The following MYOF variants were observed in gnomAD, a reference collection of about 807,000 sequenced individuals.
MYOF encodes myoferlin, also known as fer-1-like 3, myoferlin.
MYOF carries 244 observed loss-of-function variants against 284.2 expected under a neutral mutation model. The observed-to-expected ratio is 0.86, with a 90% CI of 0.77 to 0.95. The LOEUF is 0.95. Ranked by LOEUF, MYOF falls within the 40% of genes least tolerant of loss-of-function variation. MYOF has a pLI of 0.00. For missense variants in MYOF, 2,496 were observed against 2,560.6 expected (o/e 0.97, Z 0.54); for synonymous variants, 904 against 919.7 (o/e 0.98, Z 0.31).
intron 45 of MYOF, among the ~76,000 whole-genome samples, chr10:93,327,034 T>C (rs979786169): frequency 6.6e-6 from 1 of 152,008 alleles, no homozygotes; most frequent in African/African-American, 2.4e-5. Context: ...AGTCAAACAC[T>C]GGAGTATGGA....
At chr10:93,399,033 G>T (rs1847152438) in intron 13 of MYOF, among the ~76,000 whole-genome samples, 2 of 152,108 alleles carry the variant, frequency 1.3e-5, no homozygotes, top group Admixed American at 1.3e-4. Flanking sequence ...GGGCACTGGG[G>T]GGGGGTCTCT....
In MYOF at chr10:93,443,450, TTC is replaced by T. The variant is rs146232847; in HGVS notation, c.236+8598_236+8599del. On this transcript the variant is annotated intron_variant, in intron 3 of 53. Transcript: ENST00000359263. ...TCTCCTCTCTCTTCTCTCCTCTTTC[TTC>T]TCTCTCTCTCTCTCTCTCTCTGTGT... Among the ~76,000 whole-genome samples, 423 of 143,576 alleles carry T rather than the reference TTC, an allele frequency of 2.9e-3. 2 individuals are homozygous for T. The highest frequency in any genetic ancestry group is 0.013 in the East Asian group (63 of 4,702). 94.2% of individuals were successfully genotyped at this position (143,576 alleles called of 152,430 possible).
In MYOF at chr10:93,306,924, C is replaced by G; in HGVS notation, c.*39G>C. 1 of 1,600,438 alleles carries G rather than the reference C, an allele frequency of 6.2e-7. No homozygotes were observed. On this transcript the variant is annotated 3_prime_UTR_variant, in exon 54 of 54. Coordinates refer to ENST00000359263, the MANE Select transcript of MYOF (RefSeq NM_013451.4). ...TTGGTCTACAGAGGCAGGATTCTCT[C>G]ATTGCTGGATGACTCTTGAAATGAA...
intron 38 of MYOF, among the ~76,000 whole-genome samples, chr10:93,341,662 T>C (rs1328215531): frequency 6.6e-6 from 1 of 152,234 alleles, no homozygotes; most frequent in Non-Finnish European, 1.5e-5. Flanking sequence ...TGATCATTAG[T>C]TCATGTGGAA....
chr10:93,425,082 G>A (rs1352229392), intron 5 of MYOF, among the ~76,000 whole-genome samples: 2 of 151,878 alleles, frequency 1.3e-5, no homozygotes, highest in African/African-American at 4.8e-5. Flanking sequence ...GGGATTACAG[G>A]CCTTCACCAC....
chr10:93,477,562 T>A (rs1392202154), intron 1 of MYOF, among the ~76,000 whole-genome samples: 1 of 147,920 alleles, frequency 6.8e-6, no homozygotes, highest in Admixed American at 6.8e-5. Context: ...AATGTGCATA[T>A]TCATGGCCGG....
At chr10:93,369,907 A>T in intron 24 of MYOF, 131 bp from the exon 25 acceptor site, 1 of 1,171,970 alleles carries the variant, frequency 8.5e-7, no homozygotes, top group East Asian at 2.5e-5. Context: ...TGCTTCAGTT[A>T]AAACATTTCC....
chr10:93,311,667 GACTTTCTAAGA>G (rs1842399585), intron 51 of MYOF, among the ~76,000 whole-genome samples: 1 of 151,710 alleles, frequency 6.6e-6, no homozygotes, highest in Non-Finnish European at 1.5e-5. Context: ...CTTTGTAACA[GACTTTCTAAGA>G]GCCAGGAAAG....
chr10:93,423,079 T>G (rs1848423530), intron 5 of MYOF, among the ~76,000 whole-genome samples: 1 of 152,312 alleles, frequency 6.6e-6, no homozygotes, highest in South Asian at 2.1e-4. Flanking sequence ...GAATGTGATC[T>G]TATTTGGAAA....
At chr10:93,385,211 G>A (rs1395080987) in intron 19 of MYOF, among the ~76,000 whole-genome samples, 1 of 152,162 alleles carries the variant, frequency 6.6e-6, no homozygotes, top group Non-Finnish European at 1.5e-5. Flanking sequence ...TAGTGGCAGG[G>A]CAGAGGTTCC....
chr10:93,327,450 A>G (rs1843100948), intron 45 of MYOF, among the ~76,000 whole-genome samples: 1 of 152,118 alleles, frequency 6.6e-6, no homozygotes, highest in Non-Finnish European at 1.5e-5. Flanking sequence ...AGCCTCGGCC[A>G]GAACTGTTCA....
chr10:93,367,405 G>A (rs754634008), intron 25 of MYOF, among the ~76,000 whole-genome samples: 3 of 152,222 alleles, frequency 2.0e-5, no homozygotes, highest in Non-Finnish European at 2.9e-5. Flanking sequence ...GCTTTTGGCT[G>A]AAGGAGAAAG....
chr10:93,473,555 C>A (rs1459158733), intron 1 of MYOF, among the ~76,000 whole-genome samples: 8 of 152,194 alleles, frequency 5.3e-5, no homozygotes, highest in African/African-American at 1.9e-4. Context: ...TAATGGCTGC[C>A]ATGTGCAGGG....
intron 5 of MYOF, among the ~76,000 whole-genome samples, chr10:93,419,754 G>A (rs1848278339): frequency 6.6e-6 from 1 of 152,204 alleles, no homozygotes; most frequent in Non-Finnish European, 1.5e-5. Flanking sequence ...TGAACTGCAA[G>A]CTCCTTGGTG....
chr10:93,399,390 AC>A lies in MYOF; in HGVS notation c.1221+1del. On this transcript the variant is annotated splice_donor_variant, in intron 13 of 53. Coordinates refer to ENST00000359263, the MANE Select transcript of MYOF (RefSeq NM_013451.4). LOFTEE classifies it high-confidence loss of function. ...GCATCTGCATTTAGATCATGTACAA[AC>A]CTTTTTTCCAGCAAAGGAAACTTCT... The A allele has an allele frequency of 6.2e-7, 1 of 1,604,002 alleles. No individual in the cohort carries two copies. The highest frequency in any genetic ancestry group is 8.5e-7 in the Non-Finnish European group (1 of 1,171,722).
At chr10:93,421,019 A>G (rs1450960908) in intron 5 of MYOF, among the ~76,000 whole-genome samples, 1 of 152,136 alleles carries the variant, frequency 6.6e-6, no homozygotes, top group Non-Finnish European at 1.5e-5. Context: ...GGAGTTCAAG[A>G]CCAGCCTGGG....
At chr10:93,443,883 G>A (rs1002420486) in intron 3 of MYOF, among the ~76,000 whole-genome samples, 1 of 152,152 alleles carries the variant, frequency 6.6e-6, no homozygotes, top group Admixed American at 6.5e-5. Context: ...TAAGTAACTT[G>A]CCCAGGTCAC....
Position 93,369,907 on chromosome 10 carries a change from A to C in MYOF, c.2458-131T>G, listed in dbSNP as rs17108569. 4,405 of 1,171,960 alleles carry C rather than the reference A, an allele frequency of 3.8e-3. 114 individuals carry two copies. The African/African-American group carries it at 0.055, about 15-fold the overall frequency. The allele number at this position is 1,171,960 out of a possible 1,614,324, so 72.6% of individuals were successfully genotyped here. ...GTCTAATTTTATGTTTGCTTCAGTT[A>C]AAACATTTCCAGATGACCCTACAGC... is the stretch of plus-strand genomic sequence containing the variant. On this transcript the variant is annotated intron_variant, in intron 24 of 53. Transcript: ENST00000359263.
intron 2 of MYOF, among the ~76,000 whole-genome samples, chr10:93,453,606 T>C (rs970298507): frequency 6.6e-6 from 1 of 152,084 alleles, no homozygotes; most frequent in South Asian, 2.1e-4. Flanking sequence ...GCCTCAGAGC[T>C]TCTCTTAGAA....
Sources: gnomAD v4.1 joint callset for allele counts (sites outside exome capture counted in the v4.1 genomes callset) on GRCh38, gnomAD v4.1.1 for gene constraint, MANE v1.5 for transcripts, NCBI Gene and HGNC (gene_info 2026-07-23, HGNC 2026-07-21) for gene names.